Variants in ESRRB observed in about 807,000 individuals in gnomAD.
ESRRB encodes estrogen related receptor beta.
Under a neutral mutation model 46.0 loss-of-function variants are expected in ESRRB, and 16 were observed. The observed-to-expected ratio is 0.35, with a 90% CI of 0.24 to 0.53. ESRRB has a LOEUF of 0.53. Ranked by LOEUF, ESRRB falls within the 20% of genes least tolerant of loss-of-function variation. The pLI, the probability that ESRRB is intolerant of heterozygous loss-of-function variation, is 0.93. For missense variants in ESRRB, 488 were observed against 607.4 expected (o/e 0.80, Z 2.07); for synonymous variants, 246 against 259.6 (o/e 0.95, Z 0.50).
intron 1 of ESRRB, among the ~76,000 whole-genome samples, chr14:76,326,525 C>T (rs940392457): frequency 3.3e-5 from 5 of 152,200 alleles, no homozygotes; most frequent in South Asian, 2.1e-4. Context: ...ATGAGCCATA[C>T]GGAAGCACCA....
chr14:76,364,523 T>C (rs1347394474), intron 1 of ESRRB, among the ~76,000 whole-genome samples: 1 of 152,112 alleles, frequency 6.6e-6, no homozygotes, highest in Non-Finnish European at 1.5e-5. Flanking sequence ...AACCCATCTC[T>C]ACTAAAAGAA....
intron 1 of ESRRB, among the ~76,000 whole-genome samples, chr14:76,416,555 C>T (rs1198724223): frequency 6.6e-6 from 1 of 152,050 alleles, no homozygotes; most frequent in East Asian, 1.9e-4. Flanking sequence ...CTGCAACCTC[C>T]ACCTTCTGGG....
chr14:76,339,691 C>T (rs1435345151), intron 1 of ESRRB, among the ~76,000 whole-genome samples: 3 of 152,180 alleles, frequency 2.0e-5, no homozygotes, highest in Non-Finnish European at 2.9e-5. Flanking sequence ...GGTCTGGCCT[C>T]CTGGAGCCGA....
At chr14:76,457,359 T>C (rs1888656814) in intron 2 of ESRRB, among the ~76,000 whole-genome samples, 1 of 152,180 alleles carries the variant, frequency 6.6e-6, no homozygotes, top group African/African-American at 2.4e-5. Flanking sequence ...TTTGGTTGTA[T>C]CTACCCTGTA....
At chr14:76,404,176 G>A (rs1163203563) in intron 1 of ESRRB, among the ~76,000 whole-genome samples, 4 of 152,060 alleles carry the variant, frequency 2.6e-5, no homozygotes, top group Non-Finnish European at 5.9e-5. Context: ...AGTCTCATGT[G>A]TATGTGTGTG....
At chr14:76,359,613 T>G (rs1884439571) in intron 1 of ESRRB, among the ~76,000 whole-genome samples, 1 of 152,166 alleles carries the variant, frequency 6.6e-6, no homozygotes, top group East Asian at 1.9e-4. Context: ...CCAGTGCTCT[T>G]GCCCAGACAG....
chr14:76,420,558 AGTGTGT>A (rs61137774), intron 1 of ESRRB, among the ~76,000 whole-genome samples: 2,440 of 142,442 alleles, frequency 0.017, 19 homozygotes, highest in African/African-American at 0.028. Flanking sequence ...ACAGGGTGTG[AGTGTGT>A]GTGTGTGTGT....
intron 1 of ESRRB, among the ~76,000 whole-genome samples, chr14:76,412,297 T>C (rs1297143775): frequency 3.3e-5 from 5 of 152,208 alleles, no homozygotes. Flanking sequence ...AGTGGCTTCA[T>C]GTTCTTCAGT....
At chr14:76,312,874 T>C (rs1883755281) in intron 1 of ESRRB, among the ~76,000 whole-genome samples, 2 of 152,114 alleles carry the variant, frequency 1.3e-5, no homozygotes, top group Non-Finnish European at 2.9e-5. Context: ...AAAATGTGGC[T>C]TTTAAAAATG....
chr14:76,416,133 CTTTT>C (rs550161182), intron 1 of ESRRB, among the ~76,000 whole-genome samples: 3 of 131,746 alleles, frequency 2.3e-5, no homozygotes, highest in African/African-American at 3.0e-5. Context: ...ACCATTTTCC[CTTTT>C]TTTTTTTTTT....
At position 76,482,849 on chromosome 14, in the gene ESRRB, GAT is replaced by G; in HGVS notation, c.850+91_850+92del. ...CCAATGGCTGTGCTTCTGATGCCCG[GAT>G]CCTGGACCCCAGAAGGCCTGTGAAA... On this transcript the variant is annotated intron_variant, in intron 5 of 6. Transcript: ENST00000644823. The surrounding 1 kb of genome is among the most constrained non-coding windows in gnomAD (Gnocchi z 4.3). The G allele has an allele frequency of 6.7e-7, 1 of 1,501,062 alleles. No homozygotes were observed. The highest frequency in any genetic ancestry group is 9.2e-7 in the Non-Finnish European group (1 of 1,086,550). 93.0% of individuals were successfully genotyped at this position (1,501,062 alleles called of 1,614,324 possible). A position where few individuals can be genotyped will look rare whatever the true frequency, so the allele number is the denominator to read the frequency against.
At chr14:76,432,658 T>TATTTCTCTC (rs1383775943) in intron 1 of ESRRB, among the ~76,000 whole-genome samples, 2 of 125,712 alleles carry the variant, frequency 1.6e-5, no homozygotes, top group Non-Finnish European at 3.2e-5. Context: ...CTGAATAAGC[T>TATTTCTCTC]ATTTCTCTCT....
chr14:76,418,708 T>C (rs1331797052), intron 1 of ESRRB, among the ~76,000 whole-genome samples: 8 of 151,550 alleles, frequency 5.3e-5, no homozygotes, highest in Non-Finnish European at 8.8e-5. Context: ...TCCCACCTCC[T>C]GGGTTCAAGT....
intron 1 of ESRRB, among the ~76,000 whole-genome samples, chr14:76,438,642 C>G (rs1042544549): frequency 6.7e-6 from 1 of 149,160 alleles, no homozygotes; most frequent in African/African-American, 2.5e-5. Context: ...CCAGCCTAGG[C>G]GACGGAGCGA....
chr14:76,483,029 A>G (rs997712822), intron 5 of ESRRB, among the ~76,000 whole-genome samples: 2 of 152,220 alleles, frequency 1.3e-5, no homozygotes, highest in South Asian at 2.1e-4. Context: ...ATCTACAATC[A>G]GTGTAATATT....
chr14:76,482,791 C>T lies in ESRRB; in HGVS notation c.850+32C>T. ...ATGTGGGACCAGGGGAGAGTGTGGC[C>T]AGGGACTCTCAGCCGGTATCTCCGC... On this transcript the variant is annotated intron_variant, in intron 5 of 6. Transcript: ENST00000644823. The surrounding 1 kb of genome is among the most constrained non-coding windows in gnomAD (Gnocchi z 4.3). 6 of 1,612,196 alleles carry T rather than the reference C, an allele frequency of 3.7e-6. No individual in the cohort carries two copies. Among genetic ancestry groups the T allele is most frequent in the Admixed American group, 1.7e-5 (1 of 60,004 alleles).
At chr14:76,421,475 T>C (rs1318372262) in intron 1 of ESRRB, among the ~76,000 whole-genome samples, 1 of 152,260 alleles carries the variant, frequency 6.6e-6, no homozygotes, top group Non-Finnish European at 1.5e-5. Context: ...GGAAATGTAG[T>C]ATTGTTATTC....
chr14:76,341,529 T>TAGTGC (rs1391791142), intron 1 of ESRRB, among the ~76,000 whole-genome samples: 2 of 152,246 alleles, frequency 1.3e-5, no homozygotes, highest in African/African-American at 4.8e-5. Flanking sequence ...TGAAAGCCTT[T>TAGTGC]AGTGCTCCTG....
At chr14:76,362,080 G>A (rs1039349762) in intron 1 of ESRRB, among the ~76,000 whole-genome samples, 1 of 152,216 alleles carries the variant, frequency 6.6e-6, no homozygotes, top group African/African-American at 2.4e-5. Flanking sequence ...CAGGGAAGAA[G>A]ATGACTGAGA....
Sources: gnomAD v4.1 joint callset for allele counts (sites outside exome capture counted in the v4.1 genomes callset) on GRCh38, gnomAD v4.1.1 for gene constraint, Gnocchi (gnomAD v3.1) non-coding constraint, MANE v1.5 for transcripts, NCBI Gene and HGNC (gene_info 2026-07-23, HGNC 2026-07-21) for gene names.